DOCK1: variants seen among roughly 807,000 people sequenced by gnomAD.
The protein encoded by DOCK1 is dedicator of cytokinesis protein 1.
DOCK1 carries 138 observed loss-of-function variants against 262.7 expected under a neutral mutation model. The observed-to-expected ratio is 0.53, with a 90% CI of 0.46 to 0.61. The LOEUF (loss-of-function observed/expected upper bound fraction) is 0.61. Among genes scored for constraint, DOCK1 ranks in the 20% least tolerant of loss-of-function variants. The pLI, the probability that DOCK1 is intolerant of heterozygous loss-of-function variation, is 0.00. For synonymous variants in DOCK1, 866 were observed against 867.4 expected (o/e 1.00, Z 0.03); for missense variants, 1,908 against 2,370.7 (o/e 0.80, Z 4.05).
chr10:127,228,104 A>T (rs1002430974), intron 27 of DOCK1, among the ~76,000 whole-genome samples: 7 of 152,316 alleles, frequency 4.6e-5, no homozygotes, highest in Admixed American at 2.6e-4. Context: ...ACGATTTTCC[A>T]TCCTGGTAAA....
chr10:127,375,220 T>C (rs548117663), intron 35 of DOCK1, among the ~76,000 whole-genome samples: 2 of 152,378 alleles, frequency 1.3e-5, no homozygotes, highest in East Asian at 3.9e-4. Flanking sequence ...AGCAGCGTTG[T>C]GATTCCCACA....
At chr10:127,177,910 C>T (rs796945446) in intron 27 of DOCK1, among the ~76,000 whole-genome samples, 28 of 152,290 alleles carry the variant, frequency 1.8e-4, no homozygotes, top group African/African-American at 3.6e-4. Context: ...CGTCATTTTT[C>T]GGTGTCACAC....
chr10:127,105,111 G>A (rs925070327), intron 23 of DOCK1, among the ~76,000 whole-genome samples: 20 of 152,110 alleles, frequency 1.3e-4, no homozygotes, highest in Non-Finnish European at 1.8e-4. Flanking sequence ...TTTATAAGGC[G>A]CAATTCCCTT....
At chr10:127,362,321 A>C (rs986789012) in intron 33 of DOCK1, 109 bp downstream of exon 33, 1 of 1,257,660 alleles carries the variant, frequency 8.0e-7, no homozygotes, top group African/African-American at 1.5e-5. Flanking sequence ...CCAACGTGGA[A>C]AACACATTTT....
chr10:127,444,308 C>A lies in DOCK1; in HGVS notation c.5413+29C>A, dbSNP rs768841280. On this transcript the variant is annotated intron_variant, in intron 50 of 51. Coordinates refer to ENST00000623213, the MANE Select transcript of DOCK1 (RefSeq NM_001290223.2). ...AGTGGAACGCTCCCCACATACGAAT[C>A]GTGCTATAGCTCCGTGACTTCCCCT... 3.8e-6 allele frequency: 6 copies of A among 1,560,926 alleles called. No individual in the cohort carries two copies. In the Admixed American group the frequency reaches 7.7e-5, roughly 20 times the overall value.
intron 47 of DOCK1, among the ~76,000 whole-genome samples, chr10:127,429,751 G>A (rs2069150977): frequency 6.6e-6 from 1 of 152,170 alleles, no homozygotes; most frequent in African/African-American, 2.4e-5. Context: ...GGTGTGCAGG[G>A]CCCCAGGGAT....
rs2060287888 is a variant in DOCK1 at position 127,264,605 on chromosome 10, C to T, written c.3044+7176C>T. 2.0e-5 allele frequency among the ~76,000 whole-genome samples: 3 copies of T among 152,064 alleles called. No individual in the cohort carries two copies. In the South Asian group the frequency reaches 6.2e-4, roughly 32 times the overall value. ...AAATAAGACGGTTGCCGGGTTCTCA[C>T]TGGTTGGTGAAAATGATCCTTGCCA... On this transcript the variant is annotated intron_variant, in intron 29 of 51. Coordinates refer to ENST00000623213, the MANE Select transcript of DOCK1 (RefSeq NM_001290223.2).
chr10:127,395,004 T>C (rs1358011646), intron 38 of DOCK1, among the ~76,000 whole-genome samples: 1 of 152,182 alleles, frequency 6.6e-6, no homozygotes, highest in Non-Finnish European at 1.5e-5. Context: ...TCGTGCTTCT[T>C]GAAGAGTAAA....
chr10:127,293,216 T>C (rs1485620586), intron 29 of DOCK1, among the ~76,000 whole-genome samples: 2 of 152,212 alleles, frequency 1.3e-5, no homozygotes, highest in Non-Finnish European at 2.9e-5. Context: ...TGTAGCCTTG[T>C]GTCATCTGAA....
intron 21 of DOCK1, among the ~76,000 whole-genome samples, chr10:127,046,757 CAAAAAAAAAAAAA>C (rs5788823): frequency 4.1e-5 from 3 of 73,348 alleles, no homozygotes; most frequent in African/African-American, 5.5e-5. Flanking sequence ...CACTACGTCT[CAAAAAAAAAAAAA>C]AAAAAAAAAA....
chr10:127,317,676 G>A (rs2720980), intron 29 of DOCK1, among the ~76,000 whole-genome samples: 92 of 152,134 alleles, frequency 6.0e-4, no homozygotes, highest in African/African-American at 2.0e-3. Flanking sequence ...ATACATGTCC[G>A]GGAGCCGCCT....
intron 23 of DOCK1, among the ~76,000 whole-genome samples, chr10:127,099,679 G>A (rs905101364): frequency 6.6e-6 from 1 of 152,082 alleles, no homozygotes; most frequent in Non-Finnish European, 1.5e-5. Context: ...GTTACTGCGA[G>A]GAAGGTATCA....
intron 27 of DOCK1, among the ~76,000 whole-genome samples, chr10:127,163,209 A>G (rs1243533480): frequency 6.6e-6 from 1 of 152,128 alleles, no homozygotes; most frequent in African/African-American, 2.4e-5. Context: ...TCACAATCCT[A>G]GCTGATAGCT....
chr10:127,092,293 A>G (rs1591990433), intron 23 of DOCK1, among the ~76,000 whole-genome samples: 1 of 152,170 alleles, frequency 6.6e-6, no homozygotes, highest in East Asian at 1.9e-4. Flanking sequence ...TGATCCTGGA[A>G]AGGTGTCATT....
chr10:126,982,882 G>T (rs2039082909), intron 4 of DOCK1, among the ~76,000 whole-genome samples: 1 of 152,346 alleles, frequency 6.6e-6, no homozygotes, highest in South Asian at 2.1e-4. Flanking sequence ...TGGATCAAGT[G>T]TGCATTTAGT....
chr10:127,130,123 G>A (rs1153017), intron 27 of DOCK1, among the ~76,000 whole-genome samples: 145,356 of 145,892 alleles, frequency 1, 72,413 homozygotes, highest in Middle Eastern at 1. Flanking sequence ...TTGCTCTGTC[G>A]CCCAGGCTGG....
intron 1 of DOCK1, among the ~76,000 whole-genome samples, chr10:126,921,071 G>A (rs1273522905): frequency 2.6e-5 from 4 of 151,950 alleles, no homozygotes; most frequent in African/African-American, 7.2e-5. Flanking sequence ...GTGGTGGTTC[G>A]CACCTGTAAT....
At chr10:126,974,350 A>C (rs1441805540) in intron 2 of DOCK1, among the ~76,000 whole-genome samples, 1 of 152,162 alleles carries the variant, frequency 6.6e-6, no homozygotes, top group African/African-American at 2.4e-5. Context: ...TAATTTATTC[A>C]ACTCTTTAAA....
At chr10:127,264,128 C>G (rs1160846572) in intron 29 of DOCK1, among the ~76,000 whole-genome samples, 1 of 152,154 alleles carries the variant, frequency 6.6e-6, no homozygotes, top group Admixed American at 6.5e-5. Flanking sequence ...GACTACATAG[C>G]GTGTAACAAA....
Sources: gnomAD v4.1 joint callset for allele counts (sites outside exome capture counted in the v4.1 genomes callset) on GRCh38, gnomAD v4.1.1 for gene constraint, MANE v1.5 for transcripts, NCBI Gene and HGNC (gene_info 2026-07-23, HGNC 2026-07-21) for gene names.